Variants in SPAG16 observed in about 807,000 individuals in gnomAD.
SPAG16 encodes sperm associated antigen 16, also known as sperm-associated antigen 16 protein.
A neutral mutation model predicts 80.4 loss-of-function variants in SPAG16; 86 were observed. The ratio of observed to expected loss-of-function variants is 1.07; its 90% CI spans 0.90 to 1.28. The LOEUF (loss-of-function observed/expected upper bound fraction) is 1.28. SPAG16 is among the 50% of genes most tolerant of loss of function. SPAG16 has a pLI of 0.00. For synonymous variants in SPAG16, 294 were observed against 265.9 expected (o/e 1.11, Z -1.03); for missense variants, 870 against 765.3 (o/e 1.14, Z -1.61).
chr2:214,048,344 G>A (rs2049453122), intron 13 of SPAG16, among the ~76,000 whole-genome samples: 1 of 151,960 alleles, frequency 6.6e-6, no homozygotes, highest in African/African-American at 2.4e-5. Context: ...AAGAAAATGT[G>A]GTACATTTAC....
At chr2:213,519,791 T>C (rs1380539196) in intron 10 of SPAG16, among the ~76,000 whole-genome samples, 1 of 152,144 alleles carries the variant, frequency 6.6e-6, no homozygotes, top group Non-Finnish European at 1.5e-5. Context: ...AGCACACATG[T>C]TTTCATAGTA....
intron 10 of SPAG16, among the ~76,000 whole-genome samples, chr2:213,724,352 T>C (rs1375345358): frequency 6.6e-6 from 1 of 152,148 alleles, no homozygotes; most frequent in Non-Finnish European, 1.5e-5. Context: ...AATTGGTAAC[T>C]TTAGCATTAA....
intron 9 of SPAG16, among the ~76,000 whole-genome samples, chr2:213,447,946 T>G (rs996505561): frequency 6.6e-6 from 1 of 152,222 alleles, no homozygotes. Context: ...TCAAAAGATC[T>G]AAGAGATTTG....
chr2:214,249,956 C>T (rs1037684827), intron 15 of SPAG16: 1 of 152,150 alleles, frequency 6.6e-6, no homozygotes, highest in Non-Finnish European at 1.5e-5. Context: ...CTAGCTAGCT[C>T]TTCTTGGTAG....
At chr2:213,666,040 A>C (rs188437972) in intron 10 of SPAG16, among the ~76,000 whole-genome samples, 2 of 152,294 alleles carry the variant, frequency 1.3e-5, no homozygotes, top group African/African-American at 4.8e-5. Context: ...TTGGGCGTGA[A>C]AGCACTGTGA....
chr2:214,393,747 G>T (rs1432856498), intron 15 of SPAG16, among the ~76,000 whole-genome samples: 1 of 152,016 alleles, frequency 6.6e-6, no homozygotes. Flanking sequence ...ACAGAAAATT[G>T]TTATACATGA....
intron 15 of SPAG16, among the ~76,000 whole-genome samples, chr2:214,224,838 C>T (rs1576537479): frequency 6.6e-6 from 1 of 152,066 alleles, no homozygotes; most frequent in Admixed American, 6.6e-5. Flanking sequence ...AGCCAAGAAA[C>T]AGAGTAGAAC....
intron 11 of SPAG16, among the ~76,000 whole-genome samples, chr2:213,906,845 C>T (rs2077453948): frequency 6.6e-6 from 1 of 152,038 alleles, no homozygotes; most frequent in South Asian, 2.1e-4. Flanking sequence ...TATCTCACCA[C>T]ATATAAAAAT....
chr2:214,260,927 C>T (rs1275569793), intron 15 of SPAG16, among the ~76,000 whole-genome samples: 4 of 151,434 alleles, frequency 2.6e-5, no homozygotes, highest in East Asian at 2.0e-4. Context: ...GCCAACATGG[C>T]GAAACCCTGT....
rs6747293 is a variant in SPAG16, at chr2:213,621,315, A to C, written c.1070+131225A>C. Among the ~76,000 whole-genome samples, 6 of 152,122 alleles carry C rather than the reference A, an allele frequency of 3.9e-5. No individual in the cohort carries two copies. In the South Asian group the frequency reaches 1.2e-3, roughly 32 times the overall value. On this transcript the variant is annotated intron_variant, in intron 10 of 15. Coordinates refer to ENST00000331683, the MANE Select transcript of SPAG16 (RefSeq NM_024532.5). ...AATTTTAGTGTCATTTGAAAGAAAA[A>C]TATGTTACAACTGAGAATATACTCA...
intron 7 of SPAG16, among the ~76,000 whole-genome samples, chr2:213,356,833 G>C (rs943671398): frequency 6.6e-6 from 1 of 152,050 alleles, no homozygotes; most frequent in African/African-American, 2.4e-5. Flanking sequence ...TCTTTTTATT[G>C]TGATGTTAGG....
At chr2:213,747,928 T>A (rs1028582765) in intron 10 of SPAG16, among the ~76,000 whole-genome samples, 1 of 152,238 alleles carries the variant, frequency 6.6e-6, no homozygotes, top group Non-Finnish European at 1.5e-5. Context: ...AGTATGCTAT[T>A]GAGACAGCTG....
At chr2:213,304,644 CT>C (rs1474151064) in intron 3 of SPAG16, among the ~76,000 whole-genome samples, 2 of 152,254 alleles carry the variant, frequency 1.3e-5, no homozygotes, top group East Asian at 3.9e-4. Context: ...GTCTTTTCCC[CT>C]AATGTATGTT....
intron 12 of SPAG16, among the ~76,000 whole-genome samples, chr2:213,976,275 C>T (rs114682635): frequency 0.015 from 2,245 of 150,550 alleles, 58 homozygotes; most frequent in African/African-American, 0.051. Flanking sequence ...TATACATATG[C>T]GTACACATGT....
At chr2:214,390,861 C>G (rs190857878) in intron 15 of SPAG16, among the ~76,000 whole-genome samples, 2 of 152,094 alleles carry the variant, frequency 1.3e-5, no homozygotes, top group Non-Finnish European at 2.9e-5. Context: ...AGAGACAAGG[C>G]CATGTACAAA....
At chr2:213,515,106 G>C (rs558761253) in intron 10 of SPAG16, among the ~76,000 whole-genome samples, 1 of 152,106 alleles carries the variant, frequency 6.6e-6, no homozygotes, top group African/African-American at 2.4e-5. Flanking sequence ...TAGCTAACTT[G>C]TATGTAATTC....
chr2:213,975,700 A>G (rs2045335288), intron 12 of SPAG16, among the ~76,000 whole-genome samples: 2 of 152,066 alleles, frequency 1.3e-5, no homozygotes, highest in African/African-American at 2.4e-5. Context: ...GAGAGGAAAA[A>G]TTCTACCAAA....
At chr2:214,078,481 A>G (rs988891523) in intron 13 of SPAG16, among the ~76,000 whole-genome samples, 5 of 143,044 alleles carry the variant, frequency 3.5e-5, no homozygotes, top group African/African-American at 1.3e-4. Context: ...TCTTGAGCCT[A>G]GGAGGTCGAC....
chr2:214,244,221 T>G (rs993104912), intron 15 of SPAG16, among the ~76,000 whole-genome samples: 19 of 151,868 alleles, frequency 1.3e-4, no homozygotes, highest in African/African-American at 4.6e-4. Flanking sequence ...ATGCCATAGA[T>G]CAGAATCCAT....
Sources: gnomAD v4.1 joint callset for allele counts (sites outside exome capture counted in the v4.1 genomes callset) on GRCh38, gnomAD v4.1.1 for gene constraint, MANE v1.5 for transcripts, NCBI Gene and HGNC (gene_info 2026-07-23, HGNC 2026-07-21) for gene names.